CENPK: variants seen among roughly 807,000 people sequenced by gnomAD.
CENPK encodes centromere protein K, also known as SoxLZ/Sox6-binding protein Solt.
Under a neutral mutation model 40.9 loss-of-function variants are expected in CENPK, and 46 were observed. That is an observed-to-expected ratio of 1.13 (90% confidence interval 0.89 to 1.44). The LOEUF is 1.44. CENPK is among the 40% of genes most tolerant of loss of function. The pLI, the probability that CENPK is intolerant of heterozygous loss-of-function variation, is 0.00. For missense variants in CENPK, 288 were observed against 303.5 expected, an observed-to-expected ratio of 0.95 and a Z score of 0.38; for synonymous variants, 107 against 104.4, an observed-to-expected ratio of 1.02 and a Z score of -0.15.
intron 6 of CENPK, among the ~76,000 whole-genome samples, chr5:65,530,541 A>G (rs1745602730): frequency 6.6e-6 from 1 of 152,238 alleles, no homozygotes; most frequent in Non-Finnish European, 1.5e-5. Context: ...AAGAAGACTA[A>G]AGAGAATTAC....
chr5:65,538,619 T>C (rs1396093259), intron 6 of CENPK, among the ~76,000 whole-genome samples: 1 of 152,156 alleles, frequency 6.6e-6, no homozygotes, highest in Non-Finnish European at 1.5e-5. Flanking sequence ...GTTTTATTTT[T>C]CATAAATAAA....
At chr5:65,544,182 C>G (rs1228019085) in intron 5 of CENPK, among the ~76,000 whole-genome samples, 1 of 152,164 alleles carries the variant, frequency 6.6e-6, no homozygotes, top group Non-Finnish European at 1.5e-5. Context: ...AAGATGGTGT[C>G]TTCTTGCTGT....
chr5:65,521,454 C>G (rs369165242), intron 10 of CENPK, 21 bp downstream of exon 10: 1 of 1,596,492 alleles, frequency 6.3e-7, no homozygotes, highest in Non-Finnish European at 8.6e-7. Flanking sequence ...CAAGACAAAA[C>G]AAACTACACA....
At chr5:65,530,481 G>A (rs1193447037) in intron 6 of CENPK, among the ~76,000 whole-genome samples, 1 of 152,182 alleles carries the variant, frequency 6.6e-6, no homozygotes, top group African/African-American at 2.4e-5. Flanking sequence ...GGAATAGTAA[G>A]TACAAAGGCC....
chr5:65,515,203 A>ATTTTTT (rs1561603851), downstream of CENPK, among the ~76,000 whole-genome samples: 1 of 99,224 alleles, frequency 1.0e-5, no homozygotes, highest in African/African-American at 3.9e-5. Flanking sequence ...ATCTCAAAAA[A>ATTTTTT]ATTTTTTTTT....
At chr5:65,497,255 C>T in the CENPK span, among the ~76,000 whole-genome samples, 24 of 151,322 alleles carry the variant, frequency 1.6e-4, no homozygotes, top group Non-Finnish European at 7.4e-5. Flanking sequence ...GTAATCCCAG[C>T]TACTCGGGTG....
intron 6 of CENPK, among the ~76,000 whole-genome samples, chr5:65,530,896 C>A (rs1037983620): frequency 3.9e-5 from 6 of 151,988 alleles, no homozygotes; most frequent in South Asian, 2.1e-4. Flanking sequence ...GGTAACAAGG[C>A]AAGACCCTGC....
chr5:65,518,647 T>C lies in CENPK; in HGVS notation c.652-14A>G, dbSNP rs1393014830. ...ATTTATAAGAATCTAGGAGAAAATA[T>C]CATTCAAAATATACTTTACTTGGGA... is the stretch of plus-strand genomic sequence containing the variant. On this transcript the variant is annotated splice_polypyrimidine_tract_variant and intron_variant, in intron 10 of 10. Transcript: ENST00000396679. 2 of 1,516,120 alleles carry C rather than the reference T, an allele frequency of 1.3e-6. No homozygotes were observed. The highest frequency in any genetic ancestry group is 2.3e-5 in the East Asian group (1 of 44,014). The allele number at this position is 1,516,120 out of a possible 1,614,324, so 93.9% of individuals were successfully genotyped here. A position where few individuals can be genotyped will look rare whatever the true frequency, so the allele number is the denominator to read the frequency against.
At chr5:65,503,402 G>A in the CENPK span, among the ~76,000 whole-genome samples, 4 of 151,960 alleles carry the variant, frequency 2.6e-5, no homozygotes, top group Non-Finnish European at 5.9e-5. Context: ...CATTATGTCC[G>A]GCCTATAATT....
chr5:65,556,469 T>C (rs1222975125), intron 2 of CENPK, among the ~76,000 whole-genome samples: 1 of 152,152 alleles, frequency 6.6e-6, no homozygotes, highest in South Asian at 2.1e-4. Flanking sequence ...AGACAAACTC[T>C]GTCTCTAAAT....
chr5:65,503,457 T>G, the CENPK span, among the ~76,000 whole-genome samples: 1 of 152,106 alleles, frequency 6.6e-6, no homozygotes, highest in Non-Finnish European at 1.5e-5. Flanking sequence ...TTAGGAGAGC[T>G]CTTTATGTAT....
intron 5 of CENPK, chr5:65,550,673 G>A (rs919494416): frequency 1.3e-5 from 2 of 152,086 alleles, no homozygotes. Flanking sequence ...GTTAAACATA[G>A]AGTGTCTGCA....
chr5:65,558,986 G>C (rs998486570), intron 2 of CENPK, among the ~76,000 whole-genome samples: 9 of 152,302 alleles, frequency 5.9e-5, no homozygotes, highest in African/African-American at 2.2e-4. Flanking sequence ...GAATGGAAGA[G>C]GATTAGAGTC....
chr5:65,509,340 C>A, the CENPK span, among the ~76,000 whole-genome samples: 1 of 152,154 alleles, frequency 6.6e-6, no homozygotes, highest in Non-Finnish European at 1.5e-5. Context: ...GATATTTTTC[C>A]CACCTCCATA....
chr5:65,497,394 C>T, the CENPK span, among the ~76,000 whole-genome samples: 18 of 152,082 alleles, frequency 1.2e-4, no homozygotes, highest in African/African-American at 3.9e-4. Flanking sequence ...AAATTAGTTC[C>T]TCACGGGCTG....
downstream of CENPK, among the ~76,000 whole-genome samples, chr5:65,513,962 G>GT (rs1364646968): frequency 1.3e-5 from 2 of 152,124 alleles, no homozygotes; most frequent in African/African-American, 4.8e-5. Context: ...TTTTCTGCAT[G>GT]TATTGATATG....
At chr5:65,510,755 A>G in the CENPK span, among the ~76,000 whole-genome samples, 1 of 150,834 alleles carries the variant, frequency 6.6e-6, no homozygotes, top group East Asian at 2.0e-4. Flanking sequence ...CAGCTTGGAC[A>G]ACAAGAGCGA....
intron 9 of CENPK, among the ~76,000 whole-genome samples, chr5:65,525,501 C>T (rs1744538468): frequency 6.6e-6 from 1 of 152,104 alleles, no homozygotes; most frequent in South Asian, 2.1e-4. Flanking sequence ...ATGACATTCA[C>T]CTAACATTAA....
In CENPK at chr5:65,528,728, A is replaced by G. The variant is rs751173961; in HGVS notation, c.471-150T>C. On this transcript the variant is annotated intron_variant, in intron 8 of 10. Coordinates refer to ENST00000396679, the MANE Select transcript of CENPK (RefSeq NM_022145.5). ...CCTTTTTGAAAATCATATTGTCTAT[A>G]TAACAAGTAGAGAAACCAAAGGTAC... The G allele has an allele frequency of 5.4e-5, 62 of 1,154,678 alleles. 1 individual carries two copies. The highest frequency in any genetic ancestry group is 5.7e-5 in the Non-Finnish European group (48 of 849,142). 71.5% of individuals were successfully genotyped at this position (1,154,678 alleles called of 1,614,324 possible). A position where few individuals can be genotyped will look rare whatever the true frequency, so the allele number is the denominator to read the frequency against.
Sources: gnomAD v4.1 joint callset for allele counts (sites outside exome capture counted in the v4.1 genomes callset) on GRCh38, gnomAD v4.1.1 for gene constraint, MANE v1.5 for transcripts, NCBI Gene and HGNC (gene_info 2026-07-23, HGNC 2026-07-21) for gene names.